KLF12: variants seen among roughly 807,000 people sequenced by gnomAD.
KLF12 encodes the protein KLF transcription factor 12, also known as Krueppel-like factor 12.
Under a neutral mutation model 37.8 loss-of-function variants are expected in KLF12, and 9 were observed. The observed-to-expected ratio is 0.24, with a 90% CI of 0.14 to 0.42. The LOEUF (loss-of-function observed/expected upper bound fraction) is 0.42, where lower values mean the gene tolerates loss of function less well. Ranked by LOEUF, KLF12 falls within the 10% of genes least tolerant of loss-of-function variation. KLF12 has a pLI of 1.00. For synonymous variants in KLF12, 208 were observed against 202.1 expected (o/e 1.03, Z -0.25); for missense variants, 411 against 516.0 (o/e 0.80, Z 1.97).
chr13:73,890,877 T>C (rs1477476943), intron 3 of KLF12, among the ~76,000 whole-genome samples: 1 of 152,076 alleles, frequency 6.6e-6, no homozygotes, highest in Admixed American at 6.6e-5. Flanking sequence ...CTACCTCTCT[T>C]AGTTCACTGG....
rs112306710 is a variant in KLF12 at position 73,944,405 on chromosome 13, G to A, written c.34-335C>T. Among the ~76,000 whole-genome samples, 573 of 152,224 alleles carry A rather than the reference G, an allele frequency of 3.8e-3. 4 individuals are homozygous for A. The highest frequency in any genetic ancestry group is 6.9e-3 in the Non-Finnish European group (469 of 68,002). ...TTCACAATAGTGGAAGGAAACAGAA[G>A]GCAAGTTTTTCTCTTCCCTTAGTTC... On this transcript the variant is annotated intron_variant, in intron 2 of 7. Transcript: ENST00000377669.
the KLF12 span, among the ~76,000 whole-genome samples, chr13:74,235,783 C>A: frequency 6.6e-6 from 1 of 151,976 alleles, no homozygotes. Flanking sequence ...AATATTATTA[C>A]CCTGGCATTT....
intron 6 of KLF12, among the ~76,000 whole-genome samples, chr13:73,748,149 T>C (rs1878499092): frequency 6.6e-6 from 1 of 152,196 alleles, no homozygotes; most frequent in African/African-American, 2.4e-5. Flanking sequence ...CAGGCACACC[T>C]GGGAGCAAAT....
At chr13:74,239,436 T>A in the KLF12 span, among the ~76,000 whole-genome samples, 1 of 118,800 alleles carries the variant, frequency 8.4e-6, no homozygotes. Flanking sequence ...GGGTGGAGAG[T>A]TCTGTAGATG....
chr13:73,718,347 C>T (rs527737952), intron 6 of KLF12, among the ~76,000 whole-genome samples: 1 of 152,254 alleles, frequency 6.6e-6, no homozygotes, highest in Admixed American at 6.5e-5. Context: ...GGCAGAGAAA[C>T]AAAAACAAAG....
At chr13:74,208,160 G>T in the KLF12 span, among the ~76,000 whole-genome samples, 1 of 152,172 alleles carries the variant, frequency 6.6e-6, no homozygotes, top group Non-Finnish European at 1.5e-5. Flanking sequence ...ATGAAACATT[G>T]AGATCATATC....
chr13:74,114,514 G>A (rs1462779340), intron 1 of KLF12, among the ~76,000 whole-genome samples: 3 of 152,042 alleles, frequency 2.0e-5, no homozygotes, highest in African/African-American at 7.2e-5. Context: ...CTATAATTAA[G>A]GTCTTATATG....
At chr13:74,158,812 C>T in the KLF12 span, among the ~76,000 whole-genome samples, 4 of 152,044 alleles carry the variant, frequency 2.6e-5, no homozygotes, top group African/African-American at 4.8e-5. Context: ...ACACATAGGT[C>T]GTTTGCAATG....
chr13:74,243,036 C>T, the KLF12 span, among the ~76,000 whole-genome samples: 1 of 152,310 alleles, frequency 6.6e-6, no homozygotes, highest in East Asian at 1.9e-4. Flanking sequence ...GGTTGCTGCA[C>T]TATCAACCTA....
chr13:74,081,475 T>C (rs923733103), intron 1 of KLF12, among the ~76,000 whole-genome samples: 1 of 152,172 alleles, frequency 6.6e-6, no homozygotes, highest in Admixed American at 6.5e-5. Flanking sequence ...TCAAGGACCA[T>C]GCTTAATAGT....
intron 5 of KLF12, among the ~76,000 whole-genome samples, chr13:73,810,479 AG>A (rs1882868740): frequency 6.6e-6 from 1 of 152,072 alleles, no homozygotes; most frequent in Non-Finnish European, 1.5e-5. Flanking sequence ...TATTTAGGCC[AG>A]GATGCTCTTG....
intron 1 of KLF12, among the ~76,000 whole-genome samples, chr13:74,027,994 A>G (rs1566509776): frequency 6.6e-6 from 1 of 152,216 alleles, no homozygotes; most frequent in Non-Finnish European, 1.5e-5. Flanking sequence ...GAAAAAAATG[A>G]GATATCACTT....
At chr13:73,817,003 A>G (rs998949385) in intron 4 of KLF12, among the ~76,000 whole-genome samples, 1 of 152,182 alleles carries the variant, frequency 6.6e-6, no homozygotes, top group African/African-American at 2.4e-5. Context: ...GACTCACAGA[A>G]TTTGAGCAAA....
rs186583942 is a variant in KLF12 at position 73,965,733 on chromosome 13, T to C, written c.34-21663A>G. The stretch of plus-strand genomic sequence containing the variant: ...TTCCCTTTCCAGAAGCAAATAAATA[T>C]ATTAAAATTTCCCACTCTCACCAAA... On this transcript the variant is annotated intron_variant, in intron 2 of 7. Transcript: ENST00000377669. Among the ~76,000 whole-genome samples, 22 of 152,258 alleles carry C rather than the reference T, an allele frequency of 1.4e-4. No individual in the cohort carries two copies. In the East Asian group the frequency reaches 2.9e-3, roughly 20 times the overall value.
chr13:74,215,554 T>C, the KLF12 span, among the ~76,000 whole-genome samples: 4 of 151,766 alleles, frequency 2.6e-5, no homozygotes, highest in East Asian at 7.8e-4. Flanking sequence ...TAAAACTGAA[T>C]GCTTAAGAGA....
chr13:73,710,382 GTGT>G (rs1875286829), intron 7 of KLF12, among the ~76,000 whole-genome samples: 1 of 94,402 alleles, frequency 1.1e-5, no homozygotes, highest in African/African-American at 5.1e-5. Flanking sequence ...TATTGTCTGT[GTGT>G]GTGTGTGTGT....
At chr13:73,980,727 A>G (rs1250671171) in intron 2 of KLF12, among the ~76,000 whole-genome samples, 1 of 152,234 alleles carries the variant, frequency 6.6e-6, no homozygotes, top group Non-Finnish European at 1.5e-5. Context: ...AAACATATGA[A>G]CCATTAATAA....
At chr13:73,872,264 C>T (rs1310392292) in intron 3 of KLF12, among the ~76,000 whole-genome samples, 1 of 152,202 alleles carries the variant, frequency 6.6e-6, no homozygotes, top group Non-Finnish European at 1.5e-5. Context: ...CACCCACTTT[C>T]ACCCTGGGTA....
intron 1 of KLF12, among the ~76,000 whole-genome samples, chr13:74,037,823 CACT>C (rs1405966323): frequency 6.6e-6 from 1 of 152,130 alleles, no homozygotes; most frequent in Non-Finnish European, 1.5e-5. Context: ...CAGATAAAAT[CACT>C]GCTGCTGTCT....
Sources: allele counts gnomAD v4.1 joint callset (sites outside exome capture counted in the v4.1 genomes callset), GRCh38; gene constraint gnomAD v4.1.1; transcripts MANE v1.5; gene names NCBI Gene and HGNC (gene_info 2026-07-23, HGNC 2026-07-21).